NT5C2: variants seen among roughly 807,000 people sequenced by gnomAD.
NT5C2 encodes 5'-nucleotidase, cytosolic II, also known as cytosolic purine 5'-nucleotidase.
Under a neutral mutation model 76.1 loss-of-function variants are expected in NT5C2, and 58 were observed. The ratio of observed to expected loss-of-function variants is 0.76; its 90% CI spans 0.62 to 0.95. The LOEUF is 0.95. NT5C2 is among the 40% of genes least tolerant of loss of function. The probability of loss-of-function intolerance (pLI) is 0.00; values close to 1 mark genes in which losing one functional copy is unlikely to be tolerated. For synonymous variants in NT5C2, 229 were observed against 237.4 expected, an observed-to-expected ratio of 0.96 and a Z score of 0.32; for missense variants, 478 against 690.3, an observed-to-expected ratio of 0.69 and a Z score of 3.45.
Position 103,089,919 on chromosome 10 carries a change from A to G in NT5C2, c.1450-11T>C, listed in dbSNP as rs747831286. ...TGATTCATGAGGCATCTAGACAGAA[A>G]AAAGCTAGAGGCTCAGAAAGCAGGC... On this transcript the variant is annotated splice_polypyrimidine_tract_variant and intron_variant, in intron 18 of 18. Transcript: ENST00000404739. 14 of 1,574,056 alleles carry G rather than the reference A, an allele frequency of 8.9e-6. No individual in the cohort carries two copies. The highest frequency in any genetic ancestry group is 9.5e-6 in the Non-Finnish European group (11 of 1,158,890).
chr10:103,149,239 G>C (rs1455811141), intron 3 of NT5C2, among the ~76,000 whole-genome samples: 3 of 152,200 alleles, frequency 2.0e-5, no homozygotes, highest in Admixed American at 2.0e-4. Context: ...CCAGTTTCTG[G>C]GATGTTTAAA....
At chr10:103,167,138 C>T (rs1009769571) in intron 3 of NT5C2, among the ~76,000 whole-genome samples, 3 of 152,018 alleles carry the variant, frequency 2.0e-5, no homozygotes, top group Non-Finnish European at 4.4e-5. Context: ...GCCTCAGCCT[C>T]CCGAGTAGCT....
intron 3 of NT5C2, among the ~76,000 whole-genome samples, chr10:103,141,926 A>G (rs1481710388): frequency 6.6e-6 from 1 of 152,216 alleles, no homozygotes; most frequent in Non-Finnish European, 1.5e-5. Context: ...TGGAGGAGAG[A>G]GTACCAGTTG....
intron 4 of NT5C2, among the ~76,000 whole-genome samples, chr10:103,110,583 AT>A (rs1189667769): frequency 3.7e-4 from 57 of 152,128 alleles, no homozygotes; most frequent in Non-Finnish European, 4.1e-4. Flanking sequence ...TCTCCCTCCA[AT>A]TTTTTTCAAC....
chr10:103,146,760 C>T (rs1384722626), intron 3 of NT5C2, among the ~76,000 whole-genome samples: 1 of 152,202 alleles, frequency 6.6e-6, no homozygotes, highest in Non-Finnish European at 1.5e-5. Flanking sequence ...TCTCTGGAAT[C>T]CAATCTTCCA....
intron 4 of NT5C2, among the ~76,000 whole-genome samples, chr10:103,116,696 T>G (rs1487079382): frequency 2.7e-5 from 4 of 147,278 alleles, no homozygotes; most frequent in African/African-American, 1.0e-4. Flanking sequence ...AGCCTCAGCC[T>G]CCCCAGTAGC....
At chr10:103,098,293 C>A (rs571818379) in intron 10 of NT5C2, 4 of 258,466 alleles carry the variant, frequency 1.5e-5, no homozygotes, top group Admixed American at 5.8e-5. Flanking sequence ...ATACTATTAA[C>A]CACAGATTTT....
At chr10:103,093,911 C>G in intron 14 of NT5C2, 61 bp downstream of exon 14, 2 of 1,288,588 alleles carry the variant, frequency 1.6e-6, no homozygotes, top group Middle Eastern at 1.8e-4. Flanking sequence ...TGAGAGATTA[C>G]CAAAGCTTTC....
At chr10:103,108,264 T>C (rs903498595) in intron 4 of NT5C2, among the ~76,000 whole-genome samples, 3 of 152,226 alleles carry the variant, frequency 2.0e-5, no homozygotes, top group Non-Finnish European at 4.4e-5. Context: ...GAGTAAGCCA[T>C]ATTAAAAATA....
intron 1 of NT5C2, among the ~76,000 whole-genome samples, chr10:103,190,143 G>C (rs145884725): frequency 0.014 from 2,127 of 150,848 alleles, 131 homozygotes; most frequent in Admixed American, 0.11. Context: ...TGGGATTACA[G>C]GCATGCGCTA....
intron 3 of NT5C2, among the ~76,000 whole-genome samples, chr10:103,158,171 C>T (rs971670032): frequency 2.0e-5 from 3 of 151,070 alleles, no homozygotes; most frequent in Admixed American, 6.6e-5. Flanking sequence ...AGCTAGAAAA[C>T]GCTTACAATT....
chr10:103,131,703 TTGAGCCCAGAAGTTC>T (rs1425275354), intron 4 of NT5C2, among the ~76,000 whole-genome samples: 1 of 151,924 alleles, frequency 6.6e-6, no homozygotes, highest in African/African-American at 2.4e-5. Context: ...GGTAGATCGC[TTGAGCCCAGAAGTTC>T]CAGACCAGTC....
intron 3 of NT5C2, among the ~76,000 whole-genome samples, chr10:103,155,076 A>T (rs1325340659): frequency 6.6e-6 from 1 of 152,262 alleles, no homozygotes; most frequent in East Asian, 1.9e-4. Flanking sequence ...TAGCTCTTTC[A>T]AACTCCATGC....
At chr10:103,179,831 A>C (rs1286284177) in intron 2 of NT5C2, among the ~76,000 whole-genome samples, 1 of 152,232 alleles carries the variant, frequency 6.6e-6, no homozygotes, top group East Asian at 1.9e-4. Context: ...ATTCTCTTAG[A>C]AGGTTAGATT....
chr10:103,113,271 T>C (rs1327686583), intron 4 of NT5C2, among the ~76,000 whole-genome samples: 1 of 151,612 alleles, frequency 6.6e-6, no homozygotes, highest in Non-Finnish European at 1.5e-5. Flanking sequence ...TAAGAGTTAT[T>C]TGTTTAAAAA....
intron 1 of NT5C2, among the ~76,000 whole-genome samples, chr10:103,183,534 C>T (rs2091583355): frequency 1.7e-5 from 2 of 120,746 alleles, no homozygotes; most frequent in Non-Finnish European, 3.3e-5. Context: ...TTTTTAAAGA[C>T]GAAGTCTCTT....
chr10:103,091,619 G>A lies in NT5C2; in HGVS notation c.1160-4C>T, dbSNP rs1049450908. ...CTCTGAAGTTCTTCGAAAAGTGCTA[G>A]TTAAGGTTTGGAAGGAAAAGGAAGA... On this transcript the variant is annotated splice_polypyrimidine_tract_variant and splice_region_variant and intron_variant, in intron 15 of 18. Coordinates refer to ENST00000404739, the MANE Select transcript of NT5C2 (RefSeq NM_001351169.2). 2 of 1,612,036 alleles carry A rather than the reference G, an allele frequency of 1.2e-6. No individual in the cohort carries two copies. The highest frequency in any genetic ancestry group is 1.7e-6 in the Non-Finnish European group (2 of 1,178,216).
At chr10:103,183,266 T>TG (rs2091440992) in intron 1 of NT5C2, among the ~76,000 whole-genome samples, 18 of 111,176 alleles carry the variant, frequency 1.6e-4, no homozygotes, top group Non-Finnish European at 3.1e-4. Flanking sequence ...GTGTGTGATA[T>TG]ATATATATAT....
chr10:103,108,904 C>G lies in NT5C2; in HGVS notation c.176-2198G>C, dbSNP rs1385399390. The stretch of plus-strand genomic sequence containing the variant: ...TCAGAGTCTCGCTCCATTGCCCAGG[C>G]TGGAGTGCAGTGGCCGTGATCTTGA... On this transcript the variant is annotated intron_variant, in intron 4 of 18. Transcript: ENST00000404739. Among the ~76,000 whole-genome samples, 4 of 151,938 alleles carry G rather than the reference C, an allele frequency of 2.6e-5. No individual in the cohort carries two copies. The East Asian group carries it at 7.7e-4, about 29-fold the overall frequency.
Sources: gnomAD v4.1 joint callset for allele counts (sites outside exome capture counted in the v4.1 genomes callset) on GRCh38, gnomAD v4.1.1 for gene constraint, MANE v1.5 for transcripts, NCBI Gene and HGNC (gene_info 2026-07-23, HGNC 2026-07-21) for gene names.